Variants in NBPF11 observed in about 807,000 individuals in gnomAD.
The protein encoded by NBPF11 is NBPF family member NBPF11.
A neutral mutation model predicts 93.9 loss-of-function variants in NBPF11; 72 were observed. That is an observed-to-expected ratio of 0.77 (90% CI 0.63 to 0.93). The LOEUF is 0.93. Among genes scored for constraint, NBPF11 ranks in the 40% least tolerant of loss-of-function variants. NBPF11 has a pLI of 0.00. For synonymous variants in NBPF11, 224 were observed against 304.9 expected (o/e 0.73, Z 2.76); for missense variants, 705 against 802.2 (o/e 0.88, Z 1.46).
chr1:148,146,933 C>T (rs1406502165), intron 1 of NBPF11: 1 of 1,600,202 alleles, frequency 6.2e-7, no homozygotes, highest in Non-Finnish European at 8.5e-7. Flanking sequence ...TGAGGGCGAC[C>T]CTGGGGGCAG....
chr1:148,134,916 A>G (rs1352960784), intron 4 of NBPF11, among the ~76,000 whole-genome samples: 37 of 152,044 alleles, frequency 2.4e-4, no homozygotes, highest in Non-Finnish European at 4.0e-4. Flanking sequence ...ACAAGCCTCA[A>G]CCATGCTTTG....
chr1:148,120,603 A>G lies in NBPF11; in HGVS notation c.886T>C (p.Cys296Arg), dbSNP rs74994984. The change falls in exon 10 of 24, where the codon TGC becomes CGC. Residue 296 changes from cysteine (C) to arginine (R), a missense_variant. Coordinates refer to ENST00000682118, the MANE Select transcript of NBPF11 (RefSeq NM_001385469.3). ...MNILEINEKLCPQLAEKKQQF... is the reference protein window; with the variant it reads ...MNILEINEKLRPQLAEKKQQF... ...TGTTTCTTCTCTGCCAGCTGGGGGC[A>G]CAATTTCTCATTGATTTCTAGAATG... is the stretch of plus-strand genomic sequence containing the variant. 0.071 allele frequency: 97,765 copies of G among 1,386,018 alleles called. 9,058 individuals carry two copies. Among genetic ancestry groups the G allele is most frequent in the East Asian group, 0.27 (11,305 of 41,474 alleles). 85.9% of individuals were successfully genotyped at this position (1,386,018 alleles called of 1,614,324 possible).
At chr1:148,121,634 T>G (rs1667886237) in intron 9 of NBPF11, among the ~76,000 whole-genome samples, 1 of 151,618 alleles carries the variant, frequency 6.6e-6, no homozygotes, top group South Asian at 2.1e-4. Flanking sequence ...GGATTACAGG[T>G]GTGACCCACT....
intron 7 of NBPF11, among the ~76,000 whole-genome samples, chr1:148,123,167 T>A (rs1668287782): frequency 6.6e-6 from 1 of 151,992 alleles, no homozygotes; most frequent in Admixed American, 6.5e-5. Context: ...ACCTCATTCA[T>A]TCTCTTAGGA....
intron 15 of NBPF11, among the ~76,000 whole-genome samples, chr1:148,113,517 A>C (rs1665800703): frequency 8.2e-6 from 1 of 122,316 alleles, no homozygotes; most frequent in Non-Finnish European, 1.7e-5. Context: ...CACAATCATC[A>C]TGGGAGACTT....
rs1352295315 is a variant in NBPF11 at position 148,121,286 on chromosome 1, C to T, written c.779-576G>A. ...TTCGAACTCCTGAGCTCAGGTGTTC[C>T]GCCCACCTTGGCCTCTCAAAGTGCT... is the stretch of plus-strand genomic sequence containing the variant. On this transcript the variant is annotated intron_variant, in intron 9 of 23. Transcript: ENST00000682118. Among the ~76,000 whole-genome samples, 84 of 151,492 alleles carry T rather than the reference C, an allele frequency of 5.5e-4. 2 individuals carry two copies. The highest frequency in any genetic ancestry group is 3.4e-3 in the Middle Eastern group (1 of 292).
chr1:148,150,412 C>T (rs1553882735), intron 1 of NBPF11, among the ~76,000 whole-genome samples: 1 of 150,826 alleles, frequency 6.6e-6, no homozygotes, highest in Non-Finnish European at 1.5e-5. Flanking sequence ...ATCACCTGCA[C>T]GTTTAAAATT....
intron 4 of NBPF11, among the ~76,000 whole-genome samples, chr1:148,133,675 C>A (rs1172139740): frequency 6.6e-6 from 1 of 151,310 alleles, no homozygotes; most frequent in Non-Finnish European, 1.5e-5. Flanking sequence ...TGGTGGCTCA[C>A]GCCTGTAATC....
At chr1:148,119,709 G>A (rs1273372958) in intron 10 of NBPF11, among the ~76,000 whole-genome samples, 1 of 151,886 alleles carries the variant, frequency 6.6e-6, no homozygotes, top group Non-Finnish European at 1.5e-5. Flanking sequence ...AGGCTGGAGT[G>A]CAACGGCAAA....
chr1:148,141,196 C>T (rs1288559041), intron 2 of NBPF11, among the ~76,000 whole-genome samples: 2 of 151,932 alleles, frequency 1.3e-5, no homozygotes, highest in African/African-American at 4.9e-5. Flanking sequence ...AGCAGTGAAA[C>T]TATTTTGCAT....
At chr1:148,139,260 AT>A in intron 2 of NBPF11, among the ~76,000 whole-genome samples, 1 of 149,352 alleles carries the variant, frequency 6.7e-6, no homozygotes, top group Admixed American at 6.6e-5. Context: ...AGAAGAACCA[AT>A]TCAAGGAGAG....
Position 148,124,086 on chromosome 1 carries a change from G to A in NBPF11, c.279-19C>T, listed in dbSNP as rs1258362378. ...ATATTGCCTAAGGTGAGACGGTAGA[G>A]AAAATTTAACAGTGAAAAGCATTGA... On this transcript the variant is annotated intron_variant, in intron 6 of 23. Transcript: ENST00000682118. 214 of 1,608,030 alleles carry A rather than the reference G, an allele frequency of 1.3e-4. No individual in the cohort carries two copies. The Middle Eastern group carries it at 2.5e-3, about 19-fold the overall frequency.
intron 1 of NBPF11, among the ~76,000 whole-genome samples, chr1:148,144,713 C>T (rs1401759657): frequency 6.6e-6 from 1 of 151,842 alleles, no homozygotes; most frequent in Non-Finnish European, 1.5e-5. Context: ...TGGCTCACAC[C>T]TGTAATCCCA....
intron 13 of NBPF11, among the ~76,000 whole-genome samples, 192 bp from the exon 14 acceptor site, chr1:148,116,190 A>G (rs1180201530): frequency 2.0e-5 from 3 of 152,024 alleles, no homozygotes; most frequent in African/African-American, 7.3e-5. Flanking sequence ...GGAACCAGAG[A>G]GGAAGAGAGC....
At chr1:148,144,881 A>G (rs1192296928) in intron 1 of NBPF11, among the ~76,000 whole-genome samples, 1 of 151,146 alleles carries the variant, frequency 6.6e-6, no homozygotes, top group African/African-American at 2.5e-5. Flanking sequence ...AAGCAAGCAG[A>G]CTACTTGAGC....
intron 5 of NBPF11, among the ~76,000 whole-genome samples, chr1:148,126,176 T>G (rs1447651839): frequency 6.6e-6 from 1 of 151,808 alleles, no homozygotes; most frequent in South Asian, 2.1e-4. Context: ...ACTTTTTGTA[T>G]TTTTAGTGGA....
At chr1:148,149,344 C>T in intron 1 of NBPF11, 37 of 1,597,124 alleles carry the variant, frequency 2.3e-5, no homozygotes, top group Non-Finnish European at 3.1e-5. Context: ...TCCCTAACAT[C>T]GAGAAGGTGT....
Position 148,120,546 on chromosome 1 carries a change from C to T in NBPF11, c.943G>A (p.Val315Ile), listed in dbSNP as rs1293170853. 1 of 1,084,930 alleles carries T rather than the reference C, an allele frequency of 9.2e-7. No individual in the cohort carries two copies. The allele number at this position is 1,084,930 out of a possible 1,614,324, so 67.2% of individuals were successfully genotyped here. Residue 315 changes from valine (V) to isoleucine (I), a missense_variant, in exon 10 of 24, where the codon GTA (valine) becomes ATA (isoleucine). By Grantham distance (29) the Val-to-Ile change is conservative. This residue lies in a region of NBPF11 where 262 missense variants were observed against 223.1 expected (regional missense o/e 1.17). Transcript: ENST00000682118. ...QFRSLKEKCF[V>I]TQVACFLAKQ... ...GCCAGGAAGCAGGCCACTTGAGTTA[C>T]AAAACATTTCTCTTTGAGGCTTCTG...
chr1:148,126,679 T>C (rs1184193048), intron 5 of NBPF11, 150 bp downstream of exon 5: 2 of 649,234 alleles, frequency 3.1e-6, no homozygotes, highest in South Asian at 1.8e-5. Context: ...CTAAATACTT[T>C]GGTACCTCTG....
Sources: allele counts gnomAD v4.1 joint callset (sites outside exome capture counted in the v4.1 genomes callset), GRCh38; gene constraint gnomAD v4.1.1; regional missense constraint gnomAD v4.1.1; transcripts MANE v1.5; gene names NCBI Gene and HGNC (gene_info 2026-07-23, HGNC 2026-07-21).